The following TMEM232 variants were observed in gnomAD, a reference collection of about 807,000 sequenced individuals.
The protein encoded by TMEM232 is transmembrane protein 232.
TMEM232 carries 80 observed loss-of-function variants against 78.8 expected under a neutral mutation model. The observed-to-expected ratio is 1.01, with a 90% CI of 0.85 to 1.22. TMEM232 has a LOEUF of 1.22. TMEM232 is among the 50% of genes most tolerant of loss of function. The probability of loss-of-function intolerance (pLI) is 0.00; values close to 1 mark genes in which losing one functional copy is unlikely to be tolerated. For synonymous variants in TMEM232, 297 were observed against 254.3 expected (o/e 1.17, Z -1.60); for missense variants, 881 against 742.2 (o/e 1.19, Z -2.17).
chr5:110,536,035 T>C (rs1260173604), intron 11 of TMEM232, among the ~76,000 whole-genome samples: 1 of 152,226 alleles, frequency 6.6e-6, no homozygotes. Flanking sequence ...GTTAAGTCTT[T>C]ACTTGCATAG....
intron 2 of TMEM232, among the ~76,000 whole-genome samples, chr5:110,398,206 A>T (rs780932314): frequency 3.3e-5 from 5 of 152,188 alleles, no homozygotes; most frequent in Non-Finnish European, 5.9e-5. Flanking sequence ...AATAATTTAC[A>T]AATCTGTGGA....
chr5:110,620,581 C>A (rs191191704), intron 7 of TMEM232, among the ~76,000 whole-genome samples: 218 of 3,428 alleles, frequency 0.064, no homozygotes, highest in Middle Eastern at 0.25. Flanking sequence ...TCTCATATCT[C>A]TCTCTCTCTC....
At chr5:110,475,157 GAGAGTCCAGCAAC>G (rs1763110830) in intron 12 of TMEM232, among the ~76,000 whole-genome samples, 1 of 151,934 alleles carries the variant, frequency 6.6e-6, no homozygotes, top group Non-Finnish European at 1.5e-5. Context: ...TGGAACAATA[GAGAGTCCAGCAAC>G]AGACCCAAAT....
chr5:110,472,584 G>A (rs1435724644), intron 12 of TMEM232, among the ~76,000 whole-genome samples: 1 of 151,766 alleles, frequency 6.6e-6, no homozygotes, highest in African/African-American at 2.4e-5. Flanking sequence ...AAAAGACTCT[G>A]TAAATCAAAG....
intron 12 of TMEM232, among the ~76,000 whole-genome samples, chr5:110,441,485 C>T (rs541996043): frequency 1.3e-5 from 2 of 152,282 alleles, no homozygotes; most frequent in South Asian, 4.1e-4. Flanking sequence ...TCCATGATGG[C>T]ACCAATAATC....
At chr5:110,388,372 G>C (rs940993292) in intron 4 of TMEM232, among the ~76,000 whole-genome samples, 2 of 152,230 alleles carry the variant, frequency 1.3e-5, no homozygotes, top group South Asian at 2.1e-4. Context: ...CCTAGTCCCA[G>C]GTAGTATATT....
chr5:110,642,715 T>G (rs192600833), intron 2 of TMEM232, among the ~76,000 whole-genome samples: 2 of 152,192 alleles, frequency 1.3e-5, no homozygotes, highest in Admixed American at 1.3e-4. Context: ...TCTCCTCACA[T>G]AAATCAGCAT....
chr5:110,620,577 ATCTCTCTCTCTCTCTC>A (rs66736608), intron 7 of TMEM232, among the ~76,000 whole-genome samples: 1,807 of 43,118 alleles, frequency 0.042, 74 homozygotes, highest in East Asian at 0.063. Flanking sequence ...TGTCTCTCAT[ATCTCTCTCTCTCTCTC>A]TCTCTCTCTC....
intron 2 of TMEM232, among the ~76,000 whole-genome samples, chr5:110,412,479 A>G (rs1756033066): frequency 6.6e-6 from 1 of 152,172 alleles, no homozygotes; most frequent in African/African-American, 2.4e-5. Context: ...GGTTGAAGCA[A>G]TCATGACCAT....
intron 12 of TMEM232, among the ~76,000 whole-genome samples, chr5:110,489,327 T>C (rs950116174): frequency 2.0e-5 from 3 of 151,996 alleles, no homozygotes; most frequent in African/African-American, 4.8e-5. Context: ...CATGACCAAA[T>C]TGAGTTTATC....
chr5:110,507,518 AAT>A (rs1440445280), intron 12 of TMEM232, among the ~76,000 whole-genome samples: 3 of 152,208 alleles, frequency 2.0e-5, no homozygotes. Context: ...CTCAGAAGCA[AAT>A]ATGCAGAATA....
chr5:110,737,002 TAAAA>T (rs5870418), intron 1 of TMEM232, among the ~76,000 whole-genome samples: 8 of 134,672 alleles, frequency 5.9e-5, no homozygotes, highest in East Asian at 2.2e-4. Context: ...TTCCTTATTC[TAAAA>T]AAAAAAAAAA....
At chr5:110,433,055 C>T (rs970367584) in intron 12 of TMEM232, among the ~76,000 whole-genome samples, 1 of 151,726 alleles carries the variant, frequency 6.6e-6, no homozygotes, top group Non-Finnish European at 1.5e-5. Context: ...AAACACCTCA[C>T]TGATATAATT....
chr5:110,684,737 A>C (rs1323491525), intron 1 of TMEM232: 2 of 152,184 alleles, frequency 1.3e-5, no homozygotes, highest in East Asian at 3.8e-4. Flanking sequence ...TTTATTTATT[A>C]GAGAATATAC....
chr5:110,621,287 T>A (rs1167955146), intron 7 of TMEM232, among the ~76,000 whole-genome samples: 1 of 152,204 alleles, frequency 6.6e-6, no homozygotes, highest in Admixed American at 6.5e-5. Flanking sequence ...ATATCATCAG[T>A]GCAGAAGACC....
At chr5:110,427,674 G>A (rs1261289783) in intron 12 of TMEM232, among the ~76,000 whole-genome samples, 1 of 151,794 alleles carries the variant, frequency 6.6e-6, no homozygotes, top group Non-Finnish European at 1.5e-5. Flanking sequence ...AAGCTTTGGG[G>A]AAAAATTTAT....
intron 3 of TMEM232, among the ~76,000 whole-genome samples, chr5:110,394,147 A>G (rs1286331214): frequency 4.6e-5 from 7 of 152,132 alleles, no homozygotes; most frequent in East Asian, 3.9e-4. Context: ...CTCTTTCTCC[A>G]TAAGTTCAAT....
intron 6 of TMEM232, among the ~76,000 whole-genome samples, chr5:110,627,450 C>T (rs1784563316): frequency 6.6e-6 from 1 of 151,896 alleles, no homozygotes; most frequent in African/African-American, 2.4e-5. Context: ...TGCAAAAATT[C>T]AGTTAGACAG....
chr5:110,517,982 T>C (rs915262058), intron 12 of TMEM232, among the ~76,000 whole-genome samples: 3 of 152,166 alleles, frequency 2.0e-5, no homozygotes, highest in Non-Finnish European at 4.4e-5. Context: ...CCTGTGCACA[T>C]CCTTTTATTT....
Sources: gnomAD v4.1 joint callset for allele counts (sites outside exome capture counted in the v4.1 genomes callset) on GRCh38, gnomAD v4.1.1 for gene constraint, MANE v1.5 for transcripts, NCBI Gene and HGNC (gene_info 2026-07-23, HGNC 2026-07-21) for gene names.